GRB10: variants seen among roughly 807,000 people sequenced by gnomAD.
GRB10 encodes growth factor receptor-bound protein 10.
GRB10 carries 20 observed loss-of-function variants against 80.9 expected under a neutral mutation model. The observed-to-expected ratio is 0.25, with a 90% CI of 0.17 to 0.36. The LOEUF (loss-of-function observed/expected upper bound fraction) is 0.36. GRB10 is among the 10% of genes least tolerant of loss of function. The pLI, the probability that GRB10 is intolerant of heterozygous loss-of-function variation, is 1.00. For synonymous variants in GRB10, 291 were observed against 291.5 expected (o/e 1.00, Z 0.02); for missense variants, 548 against 747.7 (o/e 0.73, Z 3.12).
intron 3 of GRB10, among the ~76,000 whole-genome samples, chr7:50,749,134 G>GTTTTTTTTTTTTTTTTTTTT (rs11405172): frequency 7.3e-6 from 1 of 137,906 alleles, no homozygotes; most frequent in Non-Finnish European, 1.5e-5. Context: ...TTTTTTGTTT[G>GTTTTTTTTTTTTTTTTTTTT]TTTTTTTTTT....
chr7:50,681,440 G>A (rs1490371318), intron 5 of GRB10, among the ~76,000 whole-genome samples: 1 of 152,210 alleles, frequency 6.6e-6, no homozygotes. Context: ...GATGCCGCCC[G>A]ACCTTAAGGC....
chr7:50,713,837 C>T (rs1018879536), intron 4 of GRB10, among the ~76,000 whole-genome samples: 12 of 152,018 alleles, frequency 7.9e-5, no homozygotes, highest in Non-Finnish European at 1.5e-4. Context: ...ATCACCTCCA[C>T]CTCGTCCACT....
At chr7:50,675,347 G>A (rs530603245) in intron 5 of GRB10, among the ~76,000 whole-genome samples, 6 of 152,182 alleles carry the variant, frequency 3.9e-5, no homozygotes, top group Non-Finnish European at 8.8e-5. Context: ...AGAGAGCGGC[G>A]GAAAACGCAC....
At chr7:50,753,078 G>A (rs1222092661) in intron 3 of GRB10, among the ~76,000 whole-genome samples, 1 of 152,184 alleles carries the variant, frequency 6.6e-6, no homozygotes, top group African/African-American at 2.4e-5. Context: ...GGGTTGCCCT[G>A]AGGCCCAGCT....
At chr7:50,742,261 A>G (rs59317571) in intron 3 of GRB10, among the ~76,000 whole-genome samples, 11,965 of 45,254 alleles carry the variant, frequency 0.26, 674 homozygotes, top group East Asian at 0.5. Context: ...ACACACGCGC[A>G]CGCGCGCGCG....
At chr7:50,761,301 T>C (rs2075739861) in intron 2 of GRB10, among the ~76,000 whole-genome samples, 1 of 152,260 alleles carries the variant, frequency 6.6e-6, no homozygotes, top group Admixed American at 6.5e-5. Context: ...TTGTAAAGTT[T>C]CTCTTCATTT....
Position 50,604,006 on chromosome 7 carries a change from G to A in GRB10, c.1536C>T (p.Leu512=), listed in dbSNP as rs374110985. ...CAGTGGTGGTTCCTTACCCATCCAC[G>A]AGCCCTTGCTGTTTAATGATCCTGT... ...ESHRIIKQQG[L]VDGLFLLRDS... is the part of the protein sequence containing the mutation. The change falls in exon 17 of 19, where the codon CTC becomes CTT. Residue 512 remains leucine (L), a synonymous_variant. Transcript: ENST00000401949. 3.7e-6 allele frequency: 6 copies of A among 1,611,808 alleles called. No individual in the cohort carries two copies. The highest frequency in any genetic ancestry group is 2.7e-5 in the African/African-American group (2 of 74,882).
At chr7:50,695,620 T>C (rs1161857519) in intron 5 of GRB10, among the ~76,000 whole-genome samples, 1 of 152,146 alleles carries the variant, frequency 6.6e-6, no homozygotes, top group Admixed American at 6.5e-5. Context: ...TTCTAATGGC[T>C]CCTTTTGCTG....
chr7:50,632,805 G>A (rs896938148), intron 7 of GRB10, among the ~76,000 whole-genome samples: 6 of 152,134 alleles, frequency 3.9e-5, no homozygotes, highest in Non-Finnish European at 7.4e-5. Flanking sequence ...ACTCTGTTGC[G>A]CAGGAAAGGC....
At chr7:50,741,702 GAAGC>G (rs1464615189) in intron 3 of GRB10, among the ~76,000 whole-genome samples, 2 of 151,894 alleles carry the variant, frequency 1.3e-5, no homozygotes, top group Non-Finnish European at 2.9e-5. Flanking sequence ...CAAATAAAAT[GAAGC>G]AAGAGAAATA....
intron 3 of GRB10, among the ~76,000 whole-genome samples, chr7:50,741,536 T>G (rs978747469): frequency 3.6e-5 from 5 of 138,740 alleles, no homozygotes; most frequent in African/African-American, 1.4e-4. Flanking sequence ...AAACCAGAAA[T>G]TAGGAACATG....
In GRB10 at chr7:50,774,677, T is replaced by C. The variant is rs182017715; in HGVS notation, c.-217+5950A>G. Among the ~76,000 whole-genome samples, 1,109 of 152,298 alleles carry C rather than the reference T, an allele frequency of 7.3e-3. 46 individuals carry two copies. The highest frequency in any genetic ancestry group is 0.069 in the Admixed American group (1,059 of 15,302). Reference sequence around the variant, plus strand: ...TAAGGAGACACAAACATTCAAACCATGGCATTCCACCCCAAGTCCCCCAAA... The same window carrying C: ...TAAGGAGACACAAACATTCAAACCACGGCATTCCACCCCAAGTCCCCCAAA... On this transcript the variant is annotated intron_variant, in intron 2 of 18. Coordinates refer to ENST00000401949, the MANE Select transcript of GRB10 (RefSeq NM_001350814.2).
At chr7:50,606,269 C>T (rs1033457265) in intron 14 of GRB10, 68 bp downstream of exon 14, 17 of 1,220,158 alleles carry the variant, frequency 1.4e-5, no homozygotes, top group Admixed American at 5.0e-5. Flanking sequence ...TGAAATGAGG[C>T]GTCCTTAACA....
At chr7:50,654,136 TTA>T (rs1375322666) in intron 7 of GRB10, among the ~76,000 whole-genome samples, 2 of 152,166 alleles carry the variant, frequency 1.3e-5, no homozygotes, top group African/African-American at 2.4e-5. Flanking sequence ...GCCAACAGAA[TTA>T]TGAGTATTCC....
chr7:50,622,878 C>A (rs553482047), intron 8 of GRB10, among the ~76,000 whole-genome samples: 33 of 152,162 alleles, frequency 2.2e-4, no homozygotes, highest in Admixed American at 7.9e-4. Context: ...GCAGCCTCAA[C>A]TTCCTGGGCT....
intron 15 of GRB10, 44 bp from the exon 16 acceptor site, chr7:50,604,421 C>T: frequency 6.7e-7 from 1 of 1,487,156 alleles, no homozygotes; most frequent in Non-Finnish European, 9.4e-7. Context: ...AGCAGACAGA[C>T]ACACCAAGTC....
rs192525855 is a variant in GRB10 at position 50,623,933 on chromosome 7, T to C, written c.661+2889A>G. Among the ~76,000 whole-genome samples the C allele has an allele frequency of 4.7e-3, 716 of 152,310 alleles. 3 individuals are homozygous for C. Among genetic ancestry groups the C allele is most frequent in the Non-Finnish European group, 8.8e-3 (600 of 68,016 alleles). On this transcript the variant is annotated intron_variant, in intron 8 of 18. Transcript: ENST00000401949. ...GCATTTCCATTGAGCATCAAAACAG[T>C]ACTCAAAACATTTCAGATTTTAGAG... is the stretch of plus-strand genomic sequence containing the variant.
At position 50,606,388 on chromosome 7, in the gene GRB10, G is replaced by C. The variant is rs1178077642; in HGVS notation, c.1221C>G (p.Tyr407Ter). The C allele has an allele frequency of 6.2e-7, 1 of 1,614,110 alleles. No individual in the cohort carries two copies. ...LKYGMLLYQN[Y>*]RIPQQRKALL... ...AGGCCTTCCTCTGCTGAGGGATTCG[G>C]TAATTCTGGTAAAGGAGCATTCCAT... The change falls in exon 14 of 19, where the codon TAC (tyrosine) becomes TAG (stop). Residue 407 changes from tyrosine to a stop codon, truncating the protein, a stop_gained. Transcript: ENST00000401949. LOFTEE classifies it high-confidence loss of function.
intron 17 of GRB10, 120 bp from the exon 18 acceptor site, chr7:50,595,650 C>T (rs1456319477): frequency 1.5e-6 from 1 of 681,082 alleles, no homozygotes; most frequent in Non-Finnish European, 2.6e-6. Context: ...CTTGGAGCCA[C>T]AATGCTTCAG....
Sources: allele counts gnomAD v4.1 joint callset (sites outside exome capture counted in the v4.1 genomes callset), GRCh38; gene constraint gnomAD v4.1.1; transcripts MANE v1.5; gene names NCBI Gene and HGNC (gene_info 2026-07-23, HGNC 2026-07-21).